The following PRXL2C variants were observed in gnomAD, a reference collection of about 807,000 sequenced individuals.
PRXL2C encodes the protein peroxiredoxin like 2C, also known as peroxiredoxin-like 2C.
PRXL2C carries 38 observed loss-of-function variants against 24.9 expected under a neutral mutation model. That is an observed-to-expected ratio of 1.53 (90% CI 1.18 to 2.00). The LOEUF (loss-of-function observed/expected upper bound fraction) is 2.00. Ranked by LOEUF, PRXL2C falls within the 30% of genes most tolerant of loss-of-function variation. The pLI, the probability that PRXL2C is intolerant of heterozygous loss-of-function variation, is 0.00. For synonymous variants in PRXL2C, 98 were observed against 117.2 expected (o/e 0.84, Z 1.06); for missense variants, 294 against 290.9 (o/e 1.01, Z -0.08).
intron 3 of PRXL2C, 35 bp from the exon 4 acceptor site, chr9:96,651,530 A>C: frequency 6.3e-7 from 1 of 1,582,970 alleles, no homozygotes; most frequent in Admixed American, 1.7e-5. Flanking sequence ...TTTTACAAGA[A>C]CAAATGAGAG....
intron 5 of PRXL2C, among the ~76,000 whole-genome samples, chr9:96,644,857 T>C (rs1848168987): frequency 1.3e-5 from 2 of 149,524 alleles, no homozygotes; most frequent in African/African-American, 2.5e-5. Flanking sequence ...CTAGTTTTGT[T>C]AGGTATAAAT....
In PRXL2C at chr9:96,642,844, T is replaced by C. The variant is rs142969813; in HGVS notation, c.554-958A>G. 4.2e-4 allele frequency among the ~76,000 whole-genome samples: 64 copies of C among 152,150 alleles called. No individual in the cohort carries two copies. The East Asian group carries it at 0.012, about 29-fold the overall frequency. ...AGGTGTAAGCCACTGCACCCGGCCA[T>C]GAGGCATGTTTTCTAAGCACAGCTG... On this transcript the variant is annotated intron_variant, in intron 5 of 5. Coordinates refer to ENST00000375234, the MANE Select transcript of PRXL2C (RefSeq NM_153698.2).
chr9:96,641,657 G>T lies in PRXL2C; in HGVS notation c.*102C>A. 8.1e-7 allele frequency: 1 copy of T among 1,228,266 alleles called. No individual in the cohort carries two copies. The allele number at this position is 1,228,266 out of a possible 1,614,324, so 76.1% of individuals were successfully genotyped here. ...ATGCTTCCCTAACTCCTCAAAGGCT[G>T]GGAAGGGACAGCAGGTTAGACACTG... On this transcript the variant is annotated 3_prime_UTR_variant, in exon 6 of 6. Coordinates refer to ENST00000375234, the MANE Select transcript of PRXL2C (RefSeq NM_153698.2).
intron 5 of PRXL2C, among the ~76,000 whole-genome samples, chr9:96,642,749 T>C (rs1405873630): frequency 6.6e-6 from 1 of 152,076 alleles, no homozygotes; most frequent in African/African-American, 2.4e-5. Context: ...TTTCACCAGA[T>C]GGCCAGGATG....
chr9:96,644,254 A>G (rs1848160433), intron 5 of PRXL2C, among the ~76,000 whole-genome samples: 1 of 152,190 alleles, frequency 6.6e-6, no homozygotes, highest in Non-Finnish European at 1.5e-5. Flanking sequence ...GTCTTACAAC[A>G]TAGTGATTTA....
Position 96,640,467 on chromosome 9 carries a change from A to C in PRXL2C, c.*1292T>G, listed in dbSNP as rs1848099355. ...AGGAGGCGGAAGTTGCAGTGAGCTG[A>C]GATTGAGCCATTGCACTCCAGCCTG... is the stretch of plus-strand genomic sequence containing the variant. On this transcript the variant is annotated 3_prime_UTR_variant, in exon 6 of 6. Coordinates refer to ENST00000375234, the MANE Select transcript of PRXL2C (RefSeq NM_153698.2). 7.9e-6 allele frequency: 1 copy of C among 126,586 alleles called. No homozygotes were observed. The highest frequency in any genetic ancestry group is 1.6e-5 in the Non-Finnish European group (1 of 63,410). The allele number at this position is 126,586 out of a possible 1,614,324, so 7.8% of individuals were successfully genotyped here.
chr9:96,640,459 G>C lies in PRXL2C; in HGVS notation c.*1300C>G, dbSNP rs906658405. 2 of 131,160 alleles carry C rather than the reference G, an allele frequency of 1.5e-5. No individual in the cohort carries two copies. Among genetic ancestry groups the C allele is most frequent in the African/African-American group, 5.7e-5 (2 of 34,936 alleles). The allele number at this position is 131,160 out of a possible 1,614,324, so 8.1% of individuals were successfully genotyped here. A position where few individuals can be genotyped will look rare whatever the true frequency, so the allele number is the denominator to read the frequency against. On this transcript the variant is annotated 3_prime_UTR_variant, in exon 6 of 6. Coordinates refer to ENST00000375234, the MANE Select transcript of PRXL2C (RefSeq NM_153698.2). Reference sequence around the variant, plus strand: ...TTGAACCAAGGAGGCGGAAGTTGCAGTGAGCTGAGATTGAGCCATTGCACT... The same window carrying C: ...TTGAACCAAGGAGGCGGAAGTTGCACTGAGCTGAGATTGAGCCATTGCACT...
intron 4 of PRXL2C, among the ~76,000 whole-genome samples, chr9:96,647,533 T>G (rs55887234): frequency 0.098 from 14,888 of 152,174 alleles, 2,429 homozygotes; most frequent in African/African-American, 0.34. Flanking sequence ...TTTTACTTTG[T>G]TTTTTAAGAG....
At chr9:96,655,065 C>A in intron 1 of PRXL2C, 25 bp downstream of exon 1, 2 of 1,457,788 alleles carry the variant, frequency 1.4e-6, no homozygotes, top group Admixed American at 2.5e-5. Flanking sequence ...GCCGCGCTTC[C>A]CTTCCAGCCC....
intron 4 of PRXL2C, among the ~76,000 whole-genome samples, chr9:96,650,443 T>C (rs1848252194): frequency 6.6e-6 from 1 of 152,124 alleles, no homozygotes; most frequent in Non-Finnish European, 1.5e-5. Context: ...ACACAGATAA[T>C]GTAAAGATGA....
At chr9:96,644,170 A>G (rs1450410886) in intron 5 of PRXL2C, among the ~76,000 whole-genome samples, 3 of 151,872 alleles carry the variant, frequency 2.0e-5, no homozygotes, top group Non-Finnish European at 4.4e-5. Flanking sequence ...CAAAGTAAAT[A>G]TTACTCATAT....
At chr9:96,642,525 A>C (rs1848132438) in intron 5 of PRXL2C, among the ~76,000 whole-genome samples, 2 of 151,778 alleles carry the variant, frequency 1.3e-5, no homozygotes, top group South Asian at 4.1e-4. Flanking sequence ...CCATTAGATT[A>C]AGTGTATGAG....
intron 4 of PRXL2C, among the ~76,000 whole-genome samples, chr9:96,647,359 G>A (rs1848211325): frequency 6.6e-6 from 1 of 152,058 alleles, no homozygotes; most frequent in Non-Finnish European, 1.5e-5. Flanking sequence ...TAATGACTAT[G>A]CAGCCTTTGG....
rs1206117160 is a variant in PRXL2C at position 96,641,109 on chromosome 9, TTGTTA to T, written c.*645_*649del. 6.6e-6 allele frequency: 1 copy of T among 152,156 alleles called. No individual in the cohort carries two copies. The highest frequency in any genetic ancestry group is 1.5e-5 in the Non-Finnish European group (1 of 68,044). The allele number at this position is 152,156 out of a possible 1,614,324, so 9.4% of individuals were successfully genotyped here. A position where few individuals can be genotyped will look rare whatever the true frequency, so the allele number is the denominator to read the frequency against. ...ATATAATTTTGCTCTTTTGTGAAGG[TTGTTA>T]TGTGGCATAAAATTGTCCTATAATG... On this transcript the variant is annotated 3_prime_UTR_variant, in exon 6 of 6. Transcript: ENST00000375234.
At chr9:96,649,433 G>A (rs913906743) in intron 4 of PRXL2C, among the ~76,000 whole-genome samples, 4 of 138,660 alleles carry the variant, frequency 2.9e-5, no homozygotes, top group Non-Finnish European at 5.9e-5. Flanking sequence ...GCATGGTGGT[G>A]CATGCCTGTA....
At chr9:96,649,381 A>G (rs1848238291) in intron 4 of PRXL2C, among the ~76,000 whole-genome samples, 1 of 146,834 alleles carries the variant, frequency 6.8e-6, no homozygotes, top group Non-Finnish European at 1.5e-5. Flanking sequence ...CCTGACCAAC[A>G]TGGAGAAACC....
intron 1 of PRXL2C, 95 bp from the exon 2 acceptor site, chr9:96,654,868 G>A (rs1331978460): frequency 1.5e-6 from 2 of 1,340,638 alleles, no homozygotes; most frequent in African/African-American, 1.5e-5. Flanking sequence ...CGCGAGCAAA[G>A]GCGACGCCCG....
intron 4 of PRXL2C, among the ~76,000 whole-genome samples, chr9:96,647,922 G>C (rs1459536584): frequency 1.8e-4 from 27 of 151,908 alleles, no homozygotes; most frequent in Non-Finnish European, 2.9e-5. Flanking sequence ...AGAAAATTTT[G>C]AGACAGGGAG....
rs755727167 is a variant in PRXL2C at position 96,654,753 on chromosome 9, G to C, written c.213C>G (p.Cys71Trp). 1 of 1,566,520 alleles carries C rather than the reference G, an allele frequency of 6.4e-7. No individual in the cohort carries two copies. ...TGGCCAGATCCTCTACGTATTCCTT[G>C]CAGATGTAACACAGGAAATGCTGAA... is the stretch of plus-strand genomic sequence containing the variant. ...VFVRHFLCYI[C>W]KEYVEDLAKI... Residue 71 changes from cysteine (C) to tryptophan (W), a missense_variant, in exon 2 of 6, where the codon TGC becomes TGG. Transcript: ENST00000375234.
Sources: allele counts gnomAD v4.1 joint callset (sites outside exome capture counted in the v4.1 genomes callset), GRCh38; gene constraint gnomAD v4.1.1; transcripts MANE v1.5; gene names NCBI Gene and HGNC (gene_info 2026-07-23, HGNC 2026-07-21).